CSRNP2: variants seen among roughly 807,000 people sequenced by gnomAD.
CSRNP2 encodes cysteine and serine rich nuclear protein 2, also known as cysteine/serine-rich nuclear protein 2.
Under a neutral mutation model 36.6 loss-of-function variants are expected in CSRNP2, and 11 were observed. The ratio of observed to expected loss-of-function variants is 0.30; its 90% CI spans 0.19 to 0.50. CSRNP2 has a LOEUF of 0.50. CSRNP2 is among the 20% of genes least tolerant of loss of function. CSRNP2 has a pLI of 0.98. For synonymous variants in CSRNP2, 248 were observed against 275.3 expected, an observed-to-expected ratio of 0.90 and a Z score of 0.98; for missense variants, 483 against 691.4, an observed-to-expected ratio of 0.70 and a Z score of 3.38.
At chr12:51,083,297 GA>G (rs1160912032) in intron 1 of CSRNP2, 41 bp downstream of exon 1, 1 of 153,244 alleles carries the variant, frequency 6.5e-6, no homozygotes, top group Non-Finnish European at 1.5e-5. Flanking sequence ...CCCGAGAAAG[GA>G]CGAGGCGGCA....
rs757511655 is a variant in CSRNP2, at chr12:51,067,895, A to G, written c.486T>C (p.Ile162=). Residue 162 remains isoleucine (I), a synonymous_variant, in exon 4 of 5, where the codon ATT becomes ATC. Coordinates refer to ENST00000228515, the MANE Select transcript of CSRNP2 (RefSeq NM_030809.3). The surrounding 1 kb of genome is among the most constrained non-coding windows in gnomAD (Gnocchi z 4.1). ...LTLDDVSDED[I]DVENVEVDDY... The stretch of plus-strand genomic sequence containing the variant: ...CATCCACCTCCACATTTTCCACATC[A>G]ATATCTTCATCTGACACATCATCCA... 1 of 1,614,080 alleles carries G rather than the reference A, an allele frequency of 6.2e-7. No individual in the cohort carries two copies. Among genetic ancestry groups the G allele is most frequent in the South Asian group, 1.1e-5 (1 of 91,074 alleles).
chr12:51,062,405 TGAAAG>T lies in CSRNP2; in HGVS notation c.*1336_*1340del, dbSNP rs1937668016. 1 of 152,206 alleles carries T rather than the reference TGAAAG, an allele frequency of 6.6e-6. No individual in the cohort carries two copies. Among genetic ancestry groups the T allele is most frequent in the African/African-American group, 2.4e-5 (1 of 41,454 alleles). The allele number at this position is 152,206 out of a possible 1,614,324, so 9.4% of individuals were successfully genotyped here. On this transcript the variant is annotated 3_prime_UTR_variant, in exon 5 of 5. Transcript: ENST00000228515. ...ACAGAGACAAAGATCACTTTGCTAA[TGAAAG>T]GAAATCAGTGCTGTTCAATGGAGAT... is the stretch of plus-strand genomic sequence containing the variant.
chr12:51,074,480 G>A (rs188970250), intron 2 of CSRNP2, among the ~76,000 whole-genome samples: 1 of 152,220 alleles, frequency 6.6e-6, no homozygotes, highest in East Asian at 1.9e-4. Context: ...CATCCATCTA[G>A]GCTCTCAACT....
Position 51,071,259 on chromosome 12 carries a change from C to CAAAA in CSRNP2, c.411+2560_411+2563dup, listed in dbSNP as rs34960606. ...TGGGCAACGGAGTGAGACCCTGCAT[C>CAAAA]AAAAAAAAAAAAAAAAACCTACAAA... On this transcript the variant is annotated intron_variant, in intron 3 of 4. Transcript: ENST00000228515. 5.6e-4 allele frequency among the ~76,000 whole-genome samples: 66 copies of CAAAA among 118,574 alleles called. 1 individual carries two copies. The highest frequency in any genetic ancestry group is 1.5e-3 in the East Asian group (6 of 4,092). The allele number at this position is 118,574 out of a possible 152,430, so 77.8% of individuals were successfully genotyped here.
intron 3 of CSRNP2, among the ~76,000 whole-genome samples, chr12:51,072,542 A>G (rs557366337): frequency 2.0e-4 from 26 of 129,648 alleles, no homozygotes; most frequent in South Asian, 2.7e-4. Flanking sequence ...CAGCCTGGGC[A>G]ACAGAGCTAG....
rs1937919308 is a variant in CSRNP2 at position 51,064,662 on chromosome 12, C to T, written c.716G>A (p.Arg239His). 7 of 1,519,936 alleles carry T rather than the reference C, an allele frequency of 4.6e-6. No individual in the cohort carries two copies. The highest frequency in any genetic ancestry group is 1.4e-5 in the African/African-American group (1 of 72,178). 94.2% of individuals were successfully genotyped at this position (1,519,936 alleles called of 1,614,324 possible). ...SQAGIKCQVD[R>H]MSFPCGCSRD... ...GGAGCAGCCACATGGAAAGGACATG[C>T]GATCCACCTGAGCGGGGACAAGAAG... Residue 239 changes from arginine to histidine, a missense_variant, in exon 5 of 5, where the codon CGC (arginine) becomes CAC (histidine). This residue lies in a region of CSRNP2 where 206 missense variants were observed against 367.8 expected (regional missense o/e 0.56). Coordinates refer to ENST00000228515, the MANE Select transcript of CSRNP2 (RefSeq NM_030809.3).
chr12:51,063,968 G>C lies in CSRNP2; in HGVS notation c.1410C>G (p.Leu470=). 1 of 1,613,214 alleles carries C rather than the reference G, an allele frequency of 6.2e-7. No individual in the cohort carries two copies. The highest frequency in any genetic ancestry group is 8.5e-7 in the Non-Finnish European group (1 of 1,179,190). Residue 470 remains leucine (L), a synonymous_variant, in exon 5 of 5, where the codon CTC becomes CTG. Transcript: ENST00000228515. ...VACSSTDPAA[L]CKSEVGKTPT... is the part of the protein sequence containing the mutation. ...GTGTTTTCCCCACCTCTGATTTACA[G>C]AGGGCAGCTGGGTCTGTGGAGCTAC...
At chr12:51,078,797 T>C (rs1319025289) in intron 1 of CSRNP2, among the ~76,000 whole-genome samples, 1 of 152,202 alleles carries the variant, frequency 6.6e-6, no homozygotes, top group Admixed American at 6.5e-5. Flanking sequence ...GTTCAACCAT[T>C]GTGGAAGACA....
rs185285796 is a variant in CSRNP2 at position 51,069,942 on chromosome 12, C to T, written c.412-1973G>A. Among the ~76,000 whole-genome samples, 1,151 of 151,782 alleles carry T rather than the reference C, an allele frequency of 7.6e-3. 10 individuals are homozygous for T. The highest frequency in any genetic ancestry group is 0.026 in the African/African-American group (1,073 of 41,358). ...GTCTTGATCTCCTGTCCTCATGATC[C>T]GCCCGCCTCAGCCTCCCAAAGTGCT... On this transcript the variant is annotated intron_variant, in intron 3 of 4. Transcript: ENST00000228515.
intron 3 of CSRNP2, among the ~76,000 whole-genome samples, chr12:51,073,321 G>A (rs1939264185): frequency 6.6e-6 from 1 of 151,984 alleles, no homozygotes; most frequent in South Asian, 2.1e-4. Flanking sequence ...GCTATATCTG[G>A]TAGACTCCCC....
In CSRNP2 at chr12:51,072,928, T is replaced by C. The variant is rs367799532; in HGVS notation, c.411+895A>G. Among the ~76,000 whole-genome samples, 41 of 152,012 alleles carry C rather than the reference T, an allele frequency of 2.7e-4. No individual in the cohort carries two copies. The East Asian group carries it at 6.0e-3, about 22-fold the overall frequency. On this transcript the variant is annotated intron_variant, in intron 3 of 4. Coordinates refer to ENST00000228515, the MANE Select transcript of CSRNP2 (RefSeq NM_030809.3). ...TCATATTTTAAACTTAAAAATAAAT[T>C]GGGGGCGGGGGTGTTGGGCATGGTG...
chr12:51,063,561 T>G lies in CSRNP2; in HGVS notation c.*185A>C. 1 of 486,208 alleles carries G rather than the reference T, an allele frequency of 2.1e-6. No individual in the cohort carries two copies. The highest frequency in any genetic ancestry group is 4.7e-5 in the South Asian group (1 of 21,336). 30.1% of individuals were successfully genotyped at this position (486,208 alleles called of 1,614,324 possible). On this transcript the variant is annotated 3_prime_UTR_variant, in exon 5 of 5. Transcript: ENST00000228515. Reference sequence around the variant, plus strand: ...GACTATCCCCAGATCAAGGTAGGGCTGGTCTCCTTGGTACTGTTTCCCTTT... The same window carrying G: ...GACTATCCCCAGATCAAGGTAGGGCGGGTCTCCTTGGTACTGTTTCCCTTT...
At position 51,063,951 on chromosome 12, in the gene CSRNP2, C is replaced by T; in HGVS notation, c.1427G>A (p.Gly476Glu). The stretch of plus-strand genomic sequence containing the variant: ...TAGAGCTTCTAGGGTGGGTGTTTTC[C>T]CCACCTCTGATTTACAGAGGGCAGC... The part of the protein sequence containing the change: ...DPAALCKSEV[G>E]KTPTLEALLP... Residue 476 changes from glycine to glutamate, a missense_variant, in exon 5 of 5, where the codon GGG becomes GAG. Transcript: ENST00000228515. 6.2e-7 allele frequency: 1 copy of T among 1,612,946 alleles called. No individual in the cohort carries two copies. The highest frequency in any genetic ancestry group is 8.5e-7 in the Non-Finnish European group (1 of 1,179,094).
In CSRNP2 at chr12:51,077,452, C is replaced by T. The variant is rs1295438269; in HGVS notation, c.-86-805G>A. On this transcript the variant is annotated intron_variant, in intron 1 of 4. Coordinates refer to ENST00000228515, the MANE Select transcript of CSRNP2 (RefSeq NM_030809.3). The stretch of plus-strand genomic sequence containing the variant: ...ACACAGAATGCAGTGTTTCTACAAA[C>T]GTGATTAAGGAACCCACTGTTTCCA... Among the ~76,000 whole-genome samples the T allele has an allele frequency of 2.6e-5, 4 of 152,180 alleles. No individual in the cohort carries two copies. In the East Asian group the frequency reaches 7.7e-4, roughly 29 times the overall value.
rs542279562 is a variant in CSRNP2, at chr12:51,064,222, G to A, written c.1156C>T (p.Pro386Ser). 6.2e-7 allele frequency: 1 copy of A among 1,613,854 alleles called. No individual in the cohort carries two copies. Among genetic ancestry groups the A allele is most frequent in the Non-Finnish European group, 8.5e-7 (1 of 1,179,914 alleles). Reference sequence around the variant, plus strand: ...AAACACAGGACAGAGGAGCCTGGGGGCAGCTGAGCCTGGATGAGAATGGGG... The same window carrying A: ...AAACACAGGACAGAGGAGCCTGGGGACAGCTGAGCCTGGATGAGAATGGGG... ...TAPILIQAQLPPGSSVLCFTE... is the reference protein window; with the variant it reads ...TAPILIQAQLSPGSSVLCFTE... The change falls in exon 5 of 5, where the codon CCC (proline) becomes TCC (serine). Residue 386 changes from proline to serine, a missense_variant. Transcript: ENST00000228515.
At chr12:51,075,899 A>G (rs2136918494) in intron 2 of CSRNP2, among the ~76,000 whole-genome samples, 1 of 152,224 alleles carries the variant, frequency 6.6e-6, no homozygotes, top group Admixed American at 6.5e-5. Flanking sequence ...AAACACAAAA[A>G]ATTAGGCGGG....
chr12:51,076,582 T>C lies in CSRNP2; in HGVS notation c.-21A>G, dbSNP rs756720419. 5.1e-5 allele frequency: 83 copies of C among 1,613,386 alleles called. No homozygotes were observed. The highest frequency in any genetic ancestry group is 7.0e-5 in the Non-Finnish European group (83 of 1,179,582). On this transcript the variant is annotated 5_prime_UTR_variant, in exon 2 of 5. Transcript: ENST00000228515. ...TCCATTGGTTTCAAAGGGGTTTCCT[T>C]GGGGAGCCCACCAAGTTGGCCCCAA...
intron 1 of CSRNP2, among the ~76,000 whole-genome samples, chr12:51,077,825 CTATT>C (rs1380496188): frequency 1.3e-5 from 2 of 152,108 alleles, no homozygotes; most frequent in African/African-American, 2.4e-5. Flanking sequence ...AGAGAAGTAA[CTATT>C]TATTCTGGTT....
rs1490019369 is a variant in CSRNP2, at chr12:51,063,367, G to C, written c.*379C>G. 1 of 157,768 alleles carries C rather than the reference G, an allele frequency of 6.3e-6. No homozygotes were observed. Among genetic ancestry groups the C allele is most frequent in the Non-Finnish European group, 1.4e-5 (1 of 72,374 alleles). The allele number at this position is 157,768 out of a possible 1,614,324, so 9.8% of individuals were successfully genotyped here. On this transcript the variant is annotated 3_prime_UTR_variant, in exon 5 of 5. Coordinates refer to ENST00000228515, the MANE Select transcript of CSRNP2 (RefSeq NM_030809.3). ...GAAAAATGAGCTTGTACTCTGCCTG[G>C]GGCTTGGGAGAGAAAGGGCTTTGCC...
Sources: allele counts gnomAD v4.1 joint callset (sites outside exome capture counted in the v4.1 genomes callset), GRCh38; gene constraint gnomAD v4.1.1; regional missense constraint gnomAD v4.1.1; non-coding constraint Gnocchi (gnomAD v3.1); transcripts MANE v1.5; gene names NCBI Gene and HGNC (gene_info 2026-07-23, HGNC 2026-07-21).